The following SEMA3D variants were observed in gnomAD, a reference collection of about 807,000 sequenced individuals.
SEMA3D encodes semaphorin 3D, also known as semaphorin-3D.
In SEMA3D, 84 loss-of-function variants were observed where a neutral mutation model predicts 100.1. The observed-to-expected ratio is 0.84, with a 90% CI of 0.70 to 1.01. The LOEUF (loss-of-function observed/expected upper bound fraction) is 1.01, where lower values mean the gene tolerates loss of function less well. Ranked by LOEUF, SEMA3D falls within the 50% of genes least tolerant of loss-of-function variation. The pLI is 0.00. For synonymous variants in SEMA3D, 312 were observed against 320.7 expected (o/e 0.97, Z 0.29); for missense variants, 875 against 934.1 (o/e 0.94, Z 0.82).
intron 9 of SEMA3D, among the ~76,000 whole-genome samples, chr7:85,054,746 G>T (rs1791260741): frequency 6.6e-6 from 1 of 152,210 alleles, no homozygotes; most frequent in East Asian, 1.9e-4. Flanking sequence ...GTTTGTACAA[G>T]ACCAAAGAAA....
intron 12 of SEMA3D, among the ~76,000 whole-genome samples, chr7:85,036,618 C>T (rs919685331): frequency 2.6e-5 from 4 of 151,886 alleles, no homozygotes; most frequent in African/African-American, 9.7e-5. Context: ...TAAATCTTTC[C>T]AATGATTCTA....
intron 3 of SEMA3D, among the ~76,000 whole-genome samples, chr7:85,113,403 T>G (rs116480046): frequency 6.6e-6 from 1 of 152,210 alleles, no homozygotes; most frequent in Admixed American, 6.5e-5. Flanking sequence ...GGTTCTAAGT[T>G]AAGTCTTCAT....
chr7:85,224,589 A>C, the SEMA3D span, among the ~76,000 whole-genome samples: 1 of 152,200 alleles, frequency 6.6e-6, no homozygotes, highest in Non-Finnish European at 1.5e-5. Flanking sequence ...ATGAATGTGC[A>C]TATTTTATCA....
At chr7:85,027,237 A>G (rs1419619261) in intron 12 of SEMA3D, among the ~76,000 whole-genome samples, 4 of 152,100 alleles carry the variant, frequency 2.6e-5, no homozygotes, top group Non-Finnish European at 5.9e-5. Flanking sequence ...AAAGAACTTT[A>G]TAATTTTTCA....
chr7:85,232,126 G>T, the SEMA3D span, among the ~76,000 whole-genome samples: 1 of 152,162 alleles, frequency 6.6e-6, no homozygotes, highest in South Asian at 2.1e-4. Context: ...TACGAAAAAT[G>T]AGTGCATTTG....
intron 1 of SEMA3D, among the ~76,000 whole-genome samples, chr7:85,167,998 G>T (rs1186372651): frequency 6.6e-6 from 1 of 151,766 alleles, no homozygotes; most frequent in Non-Finnish European, 1.5e-5. Context: ...ACTAGTAGGG[G>T]TACTCTATAC....
Position 85,009,971 on chromosome 7 carries a change from G to A in SEMA3D, c.1768+2811C>T, listed in dbSNP as rs1008619673. Among the ~76,000 whole-genome samples, 23 of 151,490 alleles carry A rather than the reference G, an allele frequency of 1.5e-4. 1 individual carries two copies. Among genetic ancestry groups the A allele is most frequent in the Admixed American group, 1.4e-3 (21 of 15,184 alleles). On this transcript the variant is annotated intron_variant, in intron 17 of 18. Coordinates refer to ENST00000284136, the MANE Select transcript of SEMA3D (RefSeq NM_001384900.1). Reference sequence around the variant, plus strand: ...AATGAATAAAAAAGGAATATCTGCTGCAAAACAATAAAGGAGATGAGAAAA... The same window carrying A: ...AATGAATAAAAAAGGAATATCTGCTACAAAACAATAAAGGAGATGAGAAAA...
At chr7:85,031,975 T>C (rs548029220) in intron 12 of SEMA3D, among the ~76,000 whole-genome samples, 1 of 151,972 alleles carries the variant, frequency 6.6e-6, no homozygotes, top group Non-Finnish European at 1.5e-5. Context: ...ATCAATCAGA[T>C]AAATATTAGG....
intron 9 of SEMA3D, among the ~76,000 whole-genome samples, chr7:85,044,571 A>G (rs555009698): frequency 2.6e-5 from 4 of 152,290 alleles, no homozygotes; most frequent in South Asian, 2.1e-4. Flanking sequence ...GGAACAAACT[A>G]TCACACCTCC....
chr7:85,006,876 C>T lies in SEMA3D; in HGVS notation c.1834G>A (p.Glu612Lys). The change falls in exon 18 of 19, where the codon GAA becomes AAA. Residue 612 changes from glutamate to lysine, a missense_variant. Coordinates refer to ENST00000284136, the MANE Select transcript of SEMA3D (RefSeq NM_001384900.1). ...GCTTGTTGGGATTTAGGTATACATT[C>T]CAGAAAGGTTGAGTTAAATTCAATG... The part of the protein sequence containing the change: ...FGIEFNSTFL[E>K]CIPKSQQATI... 1.2e-6 allele frequency: 2 copies of T among 1,610,622 alleles called. No individual in the cohort carries two copies. The highest frequency in any genetic ancestry group is 1.7e-6 in the Non-Finnish European group (2 of 1,177,784).
At chr7:85,050,742 C>A in intron 9 of SEMA3D, 1 of 524,382 alleles carries the variant, frequency 1.9e-6, no homozygotes, top group Middle Eastern at 2.7e-4. Context: ...CTTCAAAGCA[C>A]AAATTCTCCT....
At chr7:85,197,003 C>T in the SEMA3D span, among the ~76,000 whole-genome samples, 1 of 148,200 alleles carries the variant, frequency 6.7e-6, no homozygotes, top group Middle Eastern at 3.5e-3. Context: ...CATAAATTCT[C>T]ATCAGATTTT....
At chr7:85,021,595 GT>G in intron 13 of SEMA3D, among the ~76,000 whole-genome samples, 1 of 151,742 alleles carries the variant, frequency 6.6e-6, no homozygotes, top group East Asian at 1.9e-4. Context: ...TTCTAAAATT[GT>G]TTTGAACTCT....
rs28560235 is a variant in SEMA3D at position 85,032,773 on chromosome 7, A to C, written c.1191+4116T>G. Among the ~76,000 whole-genome samples the C allele has an allele frequency of 7.2e-3, 1,095 of 152,210 alleles. 14 individuals are homozygous for C. Among genetic ancestry groups the C allele is most frequent in the African/African-American group, 0.025 (1,031 of 41,558 alleles). On this transcript the variant is annotated intron_variant, in intron 12 of 18. Coordinates refer to ENST00000284136, the MANE Select transcript of SEMA3D (RefSeq NM_001384900.1). ...CCTCCTTCTTTAACCACAACTGTAA[A>C]AATAAATAAATTTTGACAGTAACTG...
intron 18 of SEMA3D, among the ~76,000 whole-genome samples, chr7:85,005,475 A>G (rs10281252): frequency 0.38 from 58,048 of 151,816 alleles, 12,220 homozygotes; most frequent in African/African-American, 0.58. Flanking sequence ...AAAGCATGAA[A>G]TTATTCCTTT....
At chr7:85,150,429 T>C (rs1476833415) in intron 2 of SEMA3D, among the ~76,000 whole-genome samples, 1 of 142,652 alleles carries the variant, frequency 7.0e-6, no homozygotes, top group Admixed American at 7.2e-5. Context: ...CACACACACA[T>C]ATATTTACAG....
chr7:85,056,515 T>C (rs750904144), intron 8 of SEMA3D, among the ~76,000 whole-genome samples: 13 of 151,622 alleles, frequency 8.6e-5, no homozygotes, highest in Non-Finnish European at 1.8e-4. Flanking sequence ...GATTTATATG[T>C]GTATATACAT....
chr7:85,131,714 T>A (rs181777644), intron 2 of SEMA3D, among the ~76,000 whole-genome samples: 23 of 152,008 alleles, frequency 1.5e-4, no homozygotes, highest in Admixed American at 1.5e-3. Context: ...ATAACAATAA[T>A]GTATGTCTGC....
At chr7:85,051,895 G>A (rs984283051) in intron 9 of SEMA3D, among the ~76,000 whole-genome samples, 1 of 151,890 alleles carries the variant, frequency 6.6e-6, no homozygotes, top group African/African-American at 2.4e-5. Flanking sequence ...TATGATAGGA[G>A]CAAGAGAATT....
Sources: gnomAD v4.1 joint callset for allele counts (sites outside exome capture counted in the v4.1 genomes callset) on GRCh38, gnomAD v4.1.1 for gene constraint, MANE v1.5 for transcripts, NCBI Gene and HGNC (gene_info 2026-07-23, HGNC 2026-07-21) for gene names.